RP1: variants seen among roughly 807,000 people sequenced by gnomAD.
The protein encoded by RP1 is RP1 axonemal microtubule associated.
In RP1, 16 loss-of-function variants were observed where a neutral mutation model predicts 14.8. The observed-to-expected ratio is 1.08, with a 90% CI of 0.73 to 1.65. The LOEUF (loss-of-function observed/expected upper bound fraction) is 1.65, where lower values mean the gene tolerates loss of function less well. RP1 is among the 40% of genes most tolerant of loss of function. The pLI, the probability that RP1 is intolerant of heterozygous loss-of-function variation, is 0.00. For missense variants in RP1, 2,631 were observed against 2,535.0 expected (o/e 1.04, Z -0.81); for synonymous variants, 876 against 883.6 (o/e 0.99, Z 0.15).
intron 24 of RP1, among the ~76,000 whole-genome samples, chr8:54,793,949 A>G (rs1810524216): frequency 6.6e-6 from 1 of 151,940 alleles, no homozygotes; most frequent in Non-Finnish European, 1.5e-5. Context: ...AGCAGTTAGA[A>G]TAAACAAACT....
At chr8:54,866,300 C>T (rs1023962094) in intron 28 of RP1, among the ~76,000 whole-genome samples, 1 of 152,140 alleles carries the variant, frequency 6.6e-6, no homozygotes, top group African/African-American at 2.4e-5. Context: ...ATACCTGCTT[C>T]CCCTAGTTCA....
chr8:54,785,488 A>T (rs1412249927), intron 24 of RP1, among the ~76,000 whole-genome samples: 1 of 150,106 alleles, frequency 6.7e-6, no homozygotes. Flanking sequence ...TCTATGTACA[A>T]GTTTTTGTGT....
chr8:54,723,254 T>C (rs1267149104), intron 16 of RP1, among the ~76,000 whole-genome samples: 1 of 152,252 alleles, frequency 6.6e-6, no homozygotes, highest in Non-Finnish European at 1.5e-5. Context: ...AAGTATTTGC[T>C]GTTATGATTA....
chr8:54,637,128 C>T (rs559945871), intron 3 of RP1, among the ~76,000 whole-genome samples: 1 of 152,262 alleles, frequency 6.6e-6, no homozygotes, highest in Middle Eastern at 3.4e-3. Context: ...CTTGTATGCC[C>T]TGTTCGGTAT....
chr8:54,621,651 T>TA, intron 2 of RP1, 70 bp downstream of exon 2: 2 of 1,606,516 alleles, frequency 1.2e-6, no homozygotes, highest in East Asian at 4.5e-5. Flanking sequence ...TCGTGTGGGA[T>TA]ATGAATGGTG....
intron 20 of RP1, chr8:54,755,045 G>C (rs973673463): frequency 8.3e-7 from 1 of 1,211,660 alleles, no homozygotes; most frequent in East Asian, 2.9e-5. Context: ...GCTTCTAAGA[G>C]AGTTGTTTTA....
At chr8:54,608,968 T>C (rs1439267965) in intron 1 of RP1, among the ~76,000 whole-genome samples, 1 of 152,150 alleles carries the variant, frequency 6.6e-6, no homozygotes, top group Non-Finnish European at 1.5e-5. Context: ...GAGGACTTTA[T>C]GTTGCAGACA....
intron 15 of RP1, among the ~76,000 whole-genome samples, chr8:54,709,366 C>A (rs1199950399): frequency 6.6e-6 from 1 of 152,158 alleles, no homozygotes; most frequent in Non-Finnish European, 1.5e-5. Flanking sequence ...GTTTTCCCTT[C>A]CTGAAGGGCT....
At chr8:54,820,194 C>T (rs1479380476) in intron 24 of RP1, among the ~76,000 whole-genome samples, 1 of 151,990 alleles carries the variant, frequency 6.6e-6, no homozygotes, top group African/African-American at 2.4e-5. Context: ...CTGTCCTCTT[C>T]CCTCTCCTTT....
intron 12 of RP1, among the ~76,000 whole-genome samples, chr8:54,694,359 T>G (rs1281054003): frequency 1.3e-5 from 2 of 152,300 alleles, no homozygotes; most frequent in Admixed American, 1.3e-4. Context: ...AGATTCCCTC[T>G]TTTTCTATTG....
chr8:54,865,440 A>G (rs1812436322), intron 27 of RP1, among the ~76,000 whole-genome samples: 1 of 151,798 alleles, frequency 6.6e-6, no homozygotes. Context: ...GTAATCAATA[A>G]CTTCTAAATT....
At chr8:54,618,171 C>G (rs1271164711) in intron 1 of RP1, among the ~76,000 whole-genome samples, 1 of 152,186 alleles carries the variant, frequency 6.6e-6, no homozygotes, top group African/African-American at 2.4e-5. Flanking sequence ...TGCAAATGCT[C>G]CTCCACTGCT....
At chr8:54,617,348 A>G (rs748384558) in intron 1 of RP1, among the ~76,000 whole-genome samples, 2 of 152,222 alleles carry the variant, frequency 1.3e-5, no homozygotes, top group Admixed American at 6.5e-5. Context: ...CATAAGATAC[A>G]CCTTATTATC....
chr8:54,583,366 G>A (rs1387600869), intron 1 of RP1, among the ~76,000 whole-genome samples: 1 of 152,186 alleles, frequency 6.6e-6, no homozygotes, highest in African/African-American at 2.4e-5. Context: ...GATTGTGGTG[G>A]ATAAGCTTTT....
intron 17 of RP1, among the ~76,000 whole-genome samples, chr8:54,729,432 GA>G (rs983084206): frequency 4.0e-5 from 6 of 151,680 alleles, no homozygotes; most frequent in East Asian, 1.9e-4. Context: ...AACCTGGGCA[GA>G]AAAAAAATCT....
chr8:54,626,055 A>T lies in RP1; in HGVS notation c.2173A>T (p.Ile725Leu). 6.2e-7 allele frequency: 1 copy of T among 1,613,746 alleles called. No individual in the cohort carries two copies. Among genetic ancestry groups the T allele is most frequent in the Non-Finnish European group, 8.5e-7 (1 of 1,179,770 alleles). ...TTCAGATAGTCCCCTTAAAGGAGGG[A>T]TACTTTGTGAGGAAGACCTCCAGAA... Reference protein sequence around the residue: ...QDSDSPLKGGILCEEDLQKSD... With the variant: ...QDSDSPLKGGLLCEEDLQKSD... Residue 725 changes from isoleucine to leucine, a missense_variant, in exon 4 of 4, where the codon ATA becomes TTA. Transcript: ENST00000220676.
intron 13 of RP1, chr8:54,699,607 G>T: frequency 1.6e-5 from 16 of 974,096 alleles, no homozygotes; most frequent in Non-Finnish European, 2.2e-5. Flanking sequence ...TATATCAATA[G>T]TATTATGTCT....
At chr8:54,562,068 C>T (rs1031012779) in intron 1 of RP1, 1 of 152,132 alleles carries the variant, frequency 6.6e-6, no homozygotes, top group Non-Finnish European at 1.5e-5. Context: ...GGTCCTCAAA[C>T]TTGTCTAGAG....
intron 1 of RP1, among the ~76,000 whole-genome samples, chr8:54,593,715 C>T (rs897466741): frequency 5.9e-5 from 9 of 152,192 alleles, no homozygotes; most frequent in Non-Finnish European, 1.2e-4. Flanking sequence ...AGGGTAGGGC[C>T]GTCAATGACC....
Sources: allele counts gnomAD v4.1 joint callset (sites outside exome capture counted in the v4.1 genomes callset), GRCh38; gene constraint gnomAD v4.1.1; transcripts MANE v1.5; gene names NCBI Gene and HGNC (gene_info 2026-07-23, HGNC 2026-07-21).